STOML3: variants seen among roughly 807,000 people sequenced by gnomAD.
STOML3 encodes stomatin like 3.
Under a neutral mutation model 29.5 loss-of-function variants are expected in STOML3, and 31 were observed. The ratio of observed to expected loss-of-function variants is 1.05; its 90% CI spans 0.79 to 1.42. STOML3 has a LOEUF of 1.42. STOML3 is among the 40% of genes most tolerant of loss of function. STOML3 has a pLI of 0.00. For missense variants in STOML3, 380 were observed against 363.0 expected (o/e 1.05, Z -0.38); for synonymous variants, 122 against 139.8 (o/e 0.87, Z 0.90).
intron 1 of STOML3, among the ~76,000 whole-genome samples, chr13:38,979,572 TA>T (rs1881204384): frequency 6.6e-6 from 1 of 152,184 alleles, no homozygotes. Flanking sequence ...TACTTTAACT[TA>T]ATATATGGTG....
At position 38,966,007 on chromosome 13, in the gene STOML3, A is replaced by G. The variant is rs1438541694; in HGVS notation, c.*818T>C. 1.3e-5 allele frequency: 2 copies of G among 152,238 alleles called. No homozygotes were observed. Among genetic ancestry groups the G allele is most frequent in the Non-Finnish European group, 2.9e-5 (2 of 68,054 alleles). The allele number at this position is 152,238 out of a possible 1,614,324, so 9.4% of individuals were successfully genotyped here. A position where few individuals can be genotyped will look rare whatever the true frequency, so the allele number is the denominator to read the frequency against. ...CAGGTGGGGGAGGGGATGTGGATAG[A>G]GTTCACAAACATTCTCGATTACCTG... On this transcript the variant is annotated 3_prime_UTR_variant, in exon 7 of 7. Transcript: ENST00000379631.
chr13:38,985,599 A>C (rs918980992), intron 1 of STOML3, among the ~76,000 whole-genome samples: 1 of 152,176 alleles, frequency 6.6e-6, no homozygotes, highest in Admixed American at 6.6e-5. Context: ...ATTTATGTCC[A>C]AAGTCCCATT....
At chr13:38,976,447 C>T in intron 3 of STOML3, 93 bp downstream of exon 3, 3 of 1,442,582 alleles carry the variant, frequency 2.1e-6, no homozygotes, top group Admixed American at 2.0e-5. Flanking sequence ...TTCTTTGACT[C>T]TCAATAGGCA....
rs760899887 is a variant in STOML3, at chr13:38,966,993, C to A, written c.708G>T (p.Met236Ile). ...GAGCTATGGGAGACTCAGCCAGCACCATGGAGGCTGACTTCAGGGATTTGG... is the reference window on the plus strand; with the variant it reads ...GAGCTATGGGAGACTCAGCCAGCACAATGGAGGCTGACTTCAGGGATTTGG... ...NASKSLKSAS[M>I]VLAESPIALQ... is the part of the protein sequence containing the mutation. The change falls in exon 7 of 7, where the codon ATG (methionine) becomes ATT (isoleucine). Residue 236 changes from methionine (M) to isoleucine (I), a missense_variant. Coordinates refer to ENST00000379631, the MANE Select transcript of STOML3 (RefSeq NM_145286.3). 1 of 1,614,054 alleles carries A rather than the reference C, an allele frequency of 6.2e-7. No homozygotes were observed. Among genetic ancestry groups the A allele is most frequent in the Non-Finnish European group, 8.5e-7 (1 of 1,180,000 alleles).
chr13:38,987,135 G>A (rs528968742), intron 1 of STOML3, among the ~76,000 whole-genome samples: 1 of 152,230 alleles, frequency 6.6e-6, no homozygotes, highest in African/African-American at 2.4e-5. Context: ...CATTTCCACT[G>A]TGTAAATATC....
At chr13:38,974,820 C>A (rs1881010176) in intron 3 of STOML3, among the ~76,000 whole-genome samples, 1 of 152,034 alleles carries the variant, frequency 6.6e-6, no homozygotes, top group Admixed American at 6.6e-5. Context: ...CTCTAGAGGC[C>A]TCCAAGTTCT....
Position 38,970,348 on chromosome 13 carries a change from A to G in STOML3, c.353T>C (p.Val118Ala). The G allele has an allele frequency of 6.2e-7, 1 of 1,614,022 alleles. No homozygotes were observed. Among genetic ancestry groups the G allele is most frequent in the South Asian group, 1.1e-5 (1 of 91,070 alleles). ...AGCACTATAGATTCTGTAATAGACAACTCCATCTACCTGAGTAGTTACGGA... is the reference window on the plus strand; with the variant it reads ...AGCACTATAGATTCTGTAATAGACAGCTCCATCTACCTGAGTAGTTACGGA... ...RDSVTTQVDGVVYYRIYSAVS... is the reference protein window; with the variant it reads ...RDSVTTQVDGAVYYRIYSAVS... The change falls in exon 5 of 7, where the codon GTT becomes GCT. Residue 118 changes from valine (V) to alanine (A), a missense_variant. Transcript: ENST00000379631.
chr13:38,988,280 A>G (rs1006543805), intron 1 of STOML3, among the ~76,000 whole-genome samples: 6 of 81,838 alleles, frequency 7.3e-5, no homozygotes, highest in Non-Finnish European at 1.2e-4. Flanking sequence ...TATATATAAA[A>G]TATATTATAT....
rs992448888 is a variant in STOML3 at position 38,968,497 on chromosome 13, C to T, written c.554G>A (p.Arg185Gln). ...LDDATELWGI[R>Q]VARVEIKDVR... Reference sequence around the variant, plus strand: ...ATCTTTGATTTCCACTCGGGCCACCCGGATCCCCCACAGTTCGGTGGCATC... The same window carrying T: ...ATCTTTGATTTCCACTCGGGCCACCTGGATCCCCCACAGTTCGGTGGCATC... The change falls in exon 6 of 7, where the codon CGG (arginine) becomes CAG (glutamine). Residue 185 changes from arginine (R) to glutamine (Q), a missense_variant. Arg to Gln is a conservative substitution (Grantham distance 43, BLOSUM62 1). Transcript: ENST00000379631. 17 of 1,613,992 alleles carry T rather than the reference C, an allele frequency of 1.1e-5. No individual in the cohort carries two copies. Among genetic ancestry groups the T allele is most frequent in the Middle Eastern group, 1.6e-4 (1 of 6,084 alleles).
intron 1 of STOML3, among the ~76,000 whole-genome samples, chr13:38,986,890 G>A (rs1326926134): frequency 2.6e-5 from 4 of 152,066 alleles, no homozygotes; most frequent in Non-Finnish European, 5.9e-5. Context: ...GTAGGGGCTA[G>A]GAATCTGTAT....
chr13:38,985,662 T>A (rs1275792191), intron 1 of STOML3, among the ~76,000 whole-genome samples: 1 of 151,954 alleles, frequency 6.6e-6, no homozygotes, highest in Non-Finnish European at 1.5e-5. Flanking sequence ...AATATAACAA[T>A]GGAGGGATAA....
chr13:38,965,987 G>T lies in STOML3; in HGVS notation c.*838C>A, dbSNP rs6563658. 0.23 allele frequency: 35,250 copies of T among 152,062 alleles called. 4,207 individuals carry two copies. Among genetic ancestry groups the T allele is most frequent in the Middle Eastern group, 0.36 (107 of 294 alleles). 9.4% of individuals were successfully genotyped at this position (152,062 alleles called of 1,614,324 possible). A position where few individuals can be genotyped will look rare whatever the true frequency, so the allele number is the denominator to read the frequency against. On this transcript the variant is annotated 3_prime_UTR_variant, in exon 7 of 7. Transcript: ENST00000379631. Reference sequence around the variant, plus strand: ...GTTTTGAACAGGTTATTTGGCAGGTGGGGGAGGGGATGTGGATAGAGTTCA... The same window carrying T: ...GTTTTGAACAGGTTATTTGGCAGGTTGGGGAGGGGATGTGGATAGAGTTCA...
chr13:38,987,976 G>GTTATATATAATATATTATATT (rs1566211183), intron 1 of STOML3, among the ~76,000 whole-genome samples: 4 of 41,840 alleles, frequency 9.6e-5, no homozygotes, highest in African/African-American at 6.8e-4. Context: ...TATATTATAT[G>GTTATATATAATATATTATATT]TTATATATAA....
At position 38,976,583 on chromosome 13, in the gene STOML3, T is replaced by C; in HGVS notation, c.186A>G (p.Val62=). 6.2e-7 allele frequency: 1 copy of C among 1,614,214 alleles called. No homozygotes were observed. The highest frequency in any genetic ancestry group is 8.5e-7 in the Non-Finnish European group (1 of 1,180,048). Reference sequence around the variant, plus strand: ...CAGCTTGGATGCGTCCCAGACGGAATACAACAGCACGTTCATACTCCTTAA... The same window carrying C: ...CAGCTTGGATGCGTCCCAGACGGAACACAACAGCACGTTCATACTCCTTAA... ...KIIKEYERAV[V]FRLGRIQADK... Residue 62 remains valine (V), a synonymous_variant, in exon 3 of 7, where the codon GTA becomes GTG. Coordinates refer to ENST00000379631, the MANE Select transcript of STOML3 (RefSeq NM_145286.3).
intron 1 of STOML3, among the ~76,000 whole-genome samples, chr13:38,984,762 A>G (rs1021441284): frequency 4.6e-5 from 7 of 152,202 alleles, no homozygotes; most frequent in African/African-American, 7.2e-5. Context: ...GCAGTACATG[A>G]TTGTACACCC....
chr13:38,970,249 A>T lies in STOML3; in HGVS notation c.452T>A (p.Val151Asp). The change falls in exon 5 of 7, where the codon GTC becomes GAC. Residue 151 changes from valine to aspartate, a missense_variant. Transcript: ENST00000379631. ...FLLAQTTLRN[V>D]LGTQTLSQIL... Reference sequence around the variant, plus strand: ...CTGGGACAAGGTCTGTGTCCCTAAGACATTTCTCAGAGTGGTTTGAGCCAG... The same window carrying T: ...CTGGGACAAGGTCTGTGTCCCTAAGTCATTTCTCAGAGTGGTTTGAGCCAG... 6.2e-7 allele frequency: 1 copy of T among 1,614,164 alleles called. No individual in the cohort carries two copies. Among genetic ancestry groups the T allele is most frequent in the Non-Finnish European group, 8.5e-7 (1 of 1,180,010 alleles).
chr13:38,987,863 ATATATAATATATTATATTT>A (rs1429513527), intron 1 of STOML3, among the ~76,000 whole-genome samples: 2 of 80,764 alleles, frequency 2.5e-5, no homozygotes, highest in Non-Finnish European at 4.0e-5. Context: ...ATTATATGTT[ATATATAATATATTATATTT>A]TATATAATAT....
At chr13:38,984,026 C>G (rs866256073) in intron 1 of STOML3, among the ~76,000 whole-genome samples, 6 of 152,136 alleles carry the variant, frequency 3.9e-5, no homozygotes, top group African/African-American at 1.2e-4. Context: ...GCATCCCCCC[C>G]CACAGCAGCT....
intron 1 of STOML3, among the ~76,000 whole-genome samples, chr13:38,984,702 T>A (rs1477163199): frequency 6.6e-6 from 1 of 152,212 alleles, no homozygotes; most frequent in Non-Finnish European, 1.5e-5. Flanking sequence ...GTTCTCACAA[T>A]GACAAAATCA....
Sources: gnomAD v4.1 joint callset for allele counts (sites outside exome capture counted in the v4.1 genomes callset) on GRCh38, gnomAD v4.1.1 for gene constraint, MANE v1.5 for transcripts, NCBI Gene and HGNC (gene_info 2026-07-23, HGNC 2026-07-21) for gene names.